FHOD3: variants seen among roughly 807,000 people sequenced by gnomAD.
FHOD3 encodes FH1/FH2 domain-containing protein 3.
Under a neutral mutation model 173.0 loss-of-function variants are expected in FHOD3, and 90 were observed. The ratio of observed to expected loss-of-function variants is 0.52; its 90% CI spans 0.44 to 0.62. The LOEUF is 0.62. Ranked by LOEUF, FHOD3 falls within the 20% of genes least tolerant of loss-of-function variation. FHOD3 has a pLI of 0.00. For missense variants in FHOD3, 1,945 were observed against 2,034.7 expected (o/e 0.96, Z 0.85); for synonymous variants, 828 against 823.0 (o/e 1.01, Z -0.10).
chr18:36,757,170 G>A (rs4513171), intron 25 of FHOD3, among the ~76,000 whole-genome samples: 2,288 of 152,198 alleles, frequency 0.015, 49 homozygotes, highest in African/African-American at 0.052. Flanking sequence ...ATAAACAGAG[G>A]TGAATGTTTC....
At chr18:36,359,859 A>G (rs1386444069) in intron 2 of FHOD3, among the ~76,000 whole-genome samples, 3 of 152,224 alleles carry the variant, frequency 2.0e-5, no homozygotes, top group Non-Finnish European at 4.4e-5. Flanking sequence ...AACGTTAACT[A>G]GTTCCTGATA....
At position 36,582,314 on chromosome 18, in the gene FHOD3, G is replaced by A. The variant is rs143562981; in HGVS notation, c.606+5769G>A. ...CTGCTCAGATGACCCAAATATGGGG[G>A]TGAGAGCTGAAGACCTTTGTAAGTT... is the stretch of plus-strand genomic sequence containing the variant. On this transcript the variant is annotated intron_variant, in intron 6 of 28. Transcript: ENST00000590592. 2.5e-3 allele frequency among the ~76,000 whole-genome samples: 375 copies of A among 152,276 alleles called. 3 individuals carry two copies. Among genetic ancestry groups the A allele is most frequent in the African/African-American group, 8.7e-3 (361 of 41,546 alleles).
At chr18:36,587,487 T>G (rs1029817739) in intron 6 of FHOD3, among the ~76,000 whole-genome samples, 5 of 152,110 alleles carry the variant, frequency 3.3e-5, no homozygotes, top group African/African-American at 1.2e-4. Context: ...GCCCCAGAAT[T>G]TTATCTCAAT....
intron 3 of FHOD3, among the ~76,000 whole-genome samples, chr18:36,442,109 C>T (rs1303615869): frequency 6.6e-6 from 1 of 152,188 alleles, no homozygotes; most frequent in Non-Finnish European, 1.5e-5. Context: ...AACTTCCAGA[C>T]ACTGGACATT....
At chr18:36,386,520 T>A (rs1030521149) in intron 3 of FHOD3, among the ~76,000 whole-genome samples, 24 of 152,222 alleles carry the variant, frequency 1.6e-4, no homozygotes, top group African/African-American at 5.8e-4. Flanking sequence ...CTGTCTTGGC[T>A]TGGAATTGCC....
intron 14 of FHOD3, among the ~76,000 whole-genome samples, chr18:36,664,532 C>T (rs576888746): frequency 8.7e-4 from 133 of 152,206 alleles, no homozygotes; most frequent in African/African-American, 3.1e-3. Flanking sequence ...GGGTCTGGCT[C>T]GCTAATGGTA....
chr18:36,687,586 ACT>A (rs1327679658), intron 16 of FHOD3, among the ~76,000 whole-genome samples: 5 of 151,948 alleles, frequency 3.3e-5, no homozygotes, highest in Non-Finnish European at 7.4e-5. Flanking sequence ...TATATCTGAG[ACT>A]CTTTCTGGAT....
At chr18:36,760,483 A>G in intron 26 of FHOD3, 125 bp from the exon 27 acceptor site, 4 of 848,004 alleles carry the variant, frequency 4.7e-6, no homozygotes, top group Non-Finnish European at 6.9e-6. Context: ...GACTGCCGTA[A>G]TGAATGTGTC....
chr18:36,369,907 A>G (rs1198233187), intron 2 of FHOD3, among the ~76,000 whole-genome samples: 1 of 152,152 alleles, frequency 6.6e-6, no homozygotes, highest in Non-Finnish European at 1.5e-5. Context: ...GTGACCGTGG[A>G]ATCAGATTCT....
At chr18:36,758,680 A>C (rs2042734950) in intron 25 of FHOD3, among the ~76,000 whole-genome samples, 1 of 152,188 alleles carries the variant, frequency 6.6e-6, no homozygotes, top group Admixed American at 6.5e-5. Context: ...AGCCAAGCAA[A>C]TGGAAGCCAG....
intron 5 of FHOD3, among the ~76,000 whole-genome samples, chr18:36,521,792 C>A (rs1239608019): frequency 6.6e-6 from 1 of 152,122 alleles, no homozygotes; most frequent in Non-Finnish European, 1.5e-5. Context: ...GGGTGAAATC[C>A]CAGGCCTTCT....
At chr18:36,670,465 T>C (rs1428641473) in intron 14 of FHOD3, among the ~76,000 whole-genome samples, 1 of 152,180 alleles carries the variant, frequency 6.6e-6, no homozygotes, top group Non-Finnish European at 1.5e-5. Context: ...AATAATTATG[T>C]TGCTGTGTCT....
chr18:36,727,732 G>A (rs115564358), intron 19 of FHOD3, among the ~76,000 whole-genome samples: 2,205 of 152,284 alleles, frequency 0.014, 54 homozygotes, highest in African/African-American at 0.05. Context: ...GGGCCACCAC[G>A]TAGGTCTGTG....
intron 3 of FHOD3, among the ~76,000 whole-genome samples, chr18:36,412,193 C>G (rs2049387804): frequency 6.6e-6 from 1 of 152,166 alleles, no homozygotes; most frequent in Non-Finnish European, 1.5e-5. Context: ...TGAAAAGCTG[C>G]TCAAACTCAC....
intron 3 of FHOD3, among the ~76,000 whole-genome samples, chr18:36,452,071 C>T (rs563092212): frequency 2.0e-4 from 31 of 152,240 alleles, no homozygotes; most frequent in South Asian, 1.2e-3. Context: ...GAGGATCTCC[C>T]GACCCAGTGA....
chr18:36,629,118 C>G (rs2034322272), intron 10 of FHOD3, among the ~76,000 whole-genome samples: 1 of 152,176 alleles, frequency 6.6e-6, no homozygotes, highest in Non-Finnish European at 1.5e-5. Context: ...ATGTTGACAA[C>G]TGGTTAGGGA....
intron 3 of FHOD3, among the ~76,000 whole-genome samples, chr18:36,466,989 A>C (rs1013307064): frequency 6.6e-6 from 1 of 152,020 alleles, no homozygotes; most frequent in Non-Finnish European, 1.5e-5. Flanking sequence ...ATTTTAAAAA[A>C]CTTATGTTTG....
intron 7 of FHOD3, among the ~76,000 whole-genome samples, chr18:36,595,116 G>T (rs1311350152): frequency 6.6e-6 from 1 of 152,126 alleles, no homozygotes; most frequent in East Asian, 1.9e-4. Context: ...GCTTACCTGG[G>T]AGAGGTCAGA....
intron 9 of FHOD3, among the ~76,000 whole-genome samples, chr18:36,617,583 C>CTGTGTGTGTGTG (rs763613681): frequency 1.9e-3 from 224 of 116,328 alleles, no homozygotes; most frequent in African/African-American, 6.1e-3. Context: ...TTGTACTTCC[C>CTGTGTGTGTGTG]TGTGTGTGTG....
Sources: allele counts gnomAD v4.1 joint callset (sites outside exome capture counted in the v4.1 genomes callset), GRCh38; gene constraint gnomAD v4.1.1; transcripts MANE v1.5; gene names NCBI Gene and HGNC (gene_info 2026-07-23, HGNC 2026-07-21).